The following AFF1 variants were observed in gnomAD, a reference collection of about 807,000 sequenced individuals.
AFF1 encodes AF4/FMR2 family member 1.
A neutral mutation model predicts 121.7 loss-of-function variants in AFF1; 48 were observed. That is an observed-to-expected ratio of 0.39 (90% CI 0.31 to 0.50). The LOEUF (loss-of-function observed/expected upper bound fraction) is 0.50. AFF1 is among the 20% of genes least tolerant of loss of function. AFF1 has a pLI of 0.76. For synonymous variants in AFF1, 613 were observed against 563.0 expected, an observed-to-expected ratio of 1.09 and a Z score of -1.26; for missense variants, 1,523 against 1,511.7, an observed-to-expected ratio of 1.01 and a Z score of -0.12.
chr4:87,092,013 G>A (rs573922936), intron 7 of AFF1, among the ~76,000 whole-genome samples, 184 bp downstream of exon 7: 1 of 152,374 alleles, frequency 6.6e-6, no homozygotes, highest in South Asian at 2.1e-4. Context: ...ACCAGGCGCA[G>A]TGGCTCATGC....
intron 2 of AFF1, among the ~76,000 whole-genome samples, chr4:86,953,341 A>C (rs1721509307): frequency 6.6e-6 from 1 of 152,222 alleles, no homozygotes; most frequent in Non-Finnish European, 1.5e-5. Flanking sequence ...AAAAACATTA[A>C]ATTCATGTGG....
chr4:87,007,671 C>T (rs1726305025), intron 2 of AFF1, among the ~76,000 whole-genome samples: 1 of 152,182 alleles, frequency 6.6e-6, no homozygotes, highest in Non-Finnish European at 1.5e-5. Context: ...AGATAGCCCC[C>T]TTCTTCCCCC....
chr4:87,004,666 ATG>A (rs1252459157), intron 2 of AFF1, among the ~76,000 whole-genome samples: 1 of 152,184 alleles, frequency 6.6e-6, no homozygotes, highest in Non-Finnish European at 1.5e-5. Context: ...TTTGAGCGTC[ATG>A]TCAGTACTCA....
chr4:87,056,207 A>G (rs1377097446), intron 4 of AFF1, among the ~76,000 whole-genome samples: 1 of 152,164 alleles, frequency 6.6e-6, no homozygotes, highest in Non-Finnish European at 1.5e-5. Flanking sequence ...TTAAGTAATT[A>G]GAGGTCCTAT....
intron 1 of AFF1, among the ~76,000 whole-genome samples, chr4:86,938,314 A>G (rs1720193950): frequency 6.6e-6 from 1 of 152,038 alleles, no homozygotes; most frequent in Non-Finnish European, 1.5e-5. Flanking sequence ...GCTGGGCATG[A>G]TGGCGTGCTC....
In AFF1 at chr4:87,135,557, G is replaced by A. The variant is rs764469693; in HGVS notation, c.3536-23G>A. The A allele has an allele frequency of 7.5e-6, 11 of 1,468,400 alleles. No homozygotes were observed. The East Asian group carries it at 2.4e-4, about 33-fold the overall frequency. 91.0% of individuals were successfully genotyped at this position (1,468,400 alleles called of 1,614,324 possible). ...TGTGCTTGTGTATTTACTTGTTTTTGTTTTGTTTTGTTTTTTTTGCAGAAT... is the reference window on the plus strand; with the variant it reads ...TGTGCTTGTGTATTTACTTGTTTTTATTTTGTTTTGTTTTTTTTGCAGAAT... On this transcript the variant is annotated intron_variant, in intron 20 of 20. Coordinates refer to ENST00000395146, the MANE Select transcript of AFF1 (RefSeq NM_001166693.3).
In AFF1 at chr4:87,047,325, G is replaced by C; in HGVS notation, c.790G>C (p.Glu264Gln). 6.2e-7 allele frequency: 1 copy of C among 1,614,148 alleles called. No homozygotes were observed. Among genetic ancestry groups the C allele is most frequent in the Non-Finnish European group, 8.5e-7 (1 of 1,180,040 alleles). The change falls in exon 4 of 21, where the codon GAG becomes CAG. Residue 264 changes from glutamate to glutamine, a missense_variant. Around this residue, in one of 5 missense-constraint regions of AFF1, gnomAD observed 369 missense variants for 367.2 expected, o/e 1.00. Coordinates refer to ENST00000395146, the MANE Select transcript of AFF1 (RefSeq NM_001166693.3). ...KDLAVKVHDK[E>Q]TPQDSLVAPA... The stretch of plus-strand genomic sequence containing the variant: ...CCTAGCAGTGAAAGTCCATGATAAA[G>C]AGACCCCTCAAGACAGTTTGGTGGC...
At chr4:87,034,121 G>C (rs376108089) in intron 2 of AFF1, among the ~76,000 whole-genome samples, 1 of 152,158 alleles carries the variant, frequency 6.6e-6, no homozygotes, top group Admixed American at 6.5e-5. Context: ...CTGAGGAGCC[G>C]ATAGTTATAA....
chr4:87,001,736 G>T (rs1725743692), intron 2 of AFF1, among the ~76,000 whole-genome samples: 1 of 152,216 alleles, frequency 6.6e-6, no homozygotes, highest in African/African-American at 2.4e-5. Flanking sequence ...CAGCTGAAGG[G>T]AGAGCCGGTT....
chr4:86,997,203 C>T (rs976617769), intron 2 of AFF1, among the ~76,000 whole-genome samples: 10 of 152,120 alleles, frequency 6.6e-5, no homozygotes, highest in African/African-American at 1.4e-4. Context: ...TGAGCCACCA[C>T]GCTTGGCCTG....
At position 86,990,168 on chromosome 4, in the gene AFF1, T is replaced by TAATAAC. The variant is rs1724589912; in HGVS notation, c.38+41602_38+41603insCAATAA. The stretch of plus-strand genomic sequence containing the variant: ...CCCATGTATTCCAGAACTTAAATTA[T>TAATAAC]AATAATAATAATAATAATAATAGAC... On this transcript the variant is annotated intron_variant, in intron 2 of 20. Transcript: ENST00000395146. Among the ~76,000 whole-genome samples, 4 of 22,060 alleles carry TAATAAC rather than the reference T, an allele frequency of 1.8e-4. No individual in the cohort carries two copies. In the South Asian group the frequency reaches 0.017, roughly 93 times the overall value. 14.5% of individuals were successfully genotyped at this position (22,060 alleles called of 152,430 possible). A position where few individuals can be genotyped will look rare whatever the true frequency, so the allele number is the denominator to read the frequency against.
chr4:86,954,714 G>A (rs1387563769), intron 2 of AFF1, among the ~76,000 whole-genome samples: 1 of 152,126 alleles, frequency 6.6e-6, no homozygotes, highest in African/African-American at 2.4e-5. Flanking sequence ...GGGTGACAGA[G>A]CAAGACCCTG....
In AFF1 at chr4:87,138,247, T is replaced by TA. The variant is rs1729453908; in HGVS notation, c.*2547dup. ...AACGTTCATAGGGTCTTTTTGCTGT[T>TA]ACGGTTGTATATAGAGGTCTGAAGG... is the stretch of plus-strand genomic sequence containing the variant. On this transcript the variant is annotated 3_prime_UTR_variant, in exon 21 of 21. Coordinates refer to ENST00000395146, the MANE Select transcript of AFF1 (RefSeq NM_001166693.3). 8.6e-6 allele frequency: 2 copies of TA among 232,796 alleles called. No individual in the cohort carries two copies. Among genetic ancestry groups the TA allele is most frequent in the East Asian group, 1.2e-4 (2 of 16,482 alleles). The allele number at this position is 232,796 out of a possible 1,614,324, so 14.4% of individuals were successfully genotyped here.
chr4:86,942,743 C>T (rs924642808), intron 1 of AFF1, among the ~76,000 whole-genome samples: 4 of 152,156 alleles, frequency 2.6e-5, no homozygotes, highest in Admixed American at 2.0e-4. Context: ...TCTTCTCCTC[C>T]TCTTCGTGCC....
At chr4:87,033,700 A>G (rs1364274131) in intron 2 of AFF1, among the ~76,000 whole-genome samples, 1 of 152,238 alleles carries the variant, frequency 6.6e-6, no homozygotes, top group African/African-American at 2.4e-5. Context: ...TCTTGAGGCA[A>G]GATGAATTTG....
intron 2 of AFF1, among the ~76,000 whole-genome samples, chr4:87,010,672 A>G (rs574817505): frequency 1.3e-5 from 2 of 152,364 alleles, no homozygotes; most frequent in African/African-American, 4.8e-5. Flanking sequence ...TGATGGATAC[A>G]GTAAAAAGGA....
At chr4:87,091,755 A>T in intron 6 of AFF1, 38 bp from the exon 7 acceptor site, 6 of 1,351,378 alleles carry the variant, frequency 4.4e-6, no homozygotes, top group Non-Finnish European at 6.1e-6. Context: ...TATAAGCCTT[A>T]ATCTTTTAAT....
At chr4:87,011,090 A>G (rs1344460257) in intron 2 of AFF1, among the ~76,000 whole-genome samples, 14 of 149,654 alleles carry the variant, frequency 9.4e-5, no homozygotes, top group African/African-American at 3.3e-4. Context: ...AAAAAAAAAA[A>G]AAAAAAAGAA....
intron 6 of AFF1, among the ~76,000 whole-genome samples, chr4:87,091,262 G>A (rs1724280640): frequency 6.6e-6 from 1 of 152,026 alleles, no homozygotes; most frequent in Non-Finnish European, 1.5e-5. Flanking sequence ...AATTAGCTGG[G>A]TGTGGTGGCG....
Sources: gnomAD v4.1 joint callset for allele counts (sites outside exome capture counted in the v4.1 genomes callset) on GRCh38, gnomAD v4.1.1 for gene constraint, gnomAD v4.1.1 regional missense constraint, MANE v1.5 for transcripts, NCBI Gene and HGNC (gene_info 2026-07-23, HGNC 2026-07-21) for gene names.